IPO5: variants seen among roughly 807,000 people sequenced by gnomAD.
IPO5 encodes importin-5.
Under a neutral mutation model 143.3 loss-of-function variants are expected in IPO5, and 18 were observed. That is an observed-to-expected ratio of 0.13 (90% CI 0.09 to 0.19). The LOEUF (loss-of-function observed/expected upper bound fraction) is 0.19, where lower values mean the gene tolerates loss of function less well. Among genes scored for constraint, IPO5 ranks in the 10% least tolerant of loss-of-function variants. The pLI is 1.00. For synonymous variants in IPO5, 477 were observed against 465.7 expected (o/e 1.02, Z -0.31); for missense variants, 1,013 against 1,336.9 (o/e 0.76, Z 3.78).
chr13:97,985,621 T>C lies in IPO5; in HGVS notation c.364+8T>C. On this transcript the variant is annotated splice_region_variant and intron_variant, in intron 6 of 28. Coordinates refer to ENST00000651721, the MANE Select transcript of IPO5 (RefSeq NM_002271.6). ...TGGCCAGGAATTTAATAGGTGTGTATGCAGGTGCACTCATGTTACCAAGAA... is the reference window on the plus strand; with the variant it reads ...TGGCCAGGAATTTAATAGGTGTGTACGCAGGTGCACTCATGTTACCAAGAA... 6.9e-6 allele frequency: 11 copies of C among 1,604,160 alleles called. No homozygotes were observed. Among genetic ancestry groups the C allele is most frequent in the Non-Finnish European group, 8.5e-6 (10 of 1,172,088 alleles).
Position 98,018,552 on chromosome 13 carries a change from G to A in IPO5, c.2684G>A (p.Cys895Tyr). ...LCIFDDVIEH[C>Y]SPASFKYAEY... ...ATCTTTGATGATGTCATAGAACACT[G>A]TAGTCCAGCCTCATTTAAATACGCA... The change falls in exon 26 of 29, where the codon TGT (cysteine) becomes TAT (tyrosine). Residue 895 changes from cysteine to tyrosine, a missense_variant. Transcript: ENST00000651721. 1 of 1,614,104 alleles carries A rather than the reference G, an allele frequency of 6.2e-7. No individual in the cohort carries two copies. Among genetic ancestry groups the A allele is most frequent in the Non-Finnish European group, 8.5e-7 (1 of 1,179,974 alleles).
chr13:98,008,716 A>G (rs1889469203), intron 18 of IPO5, among the ~76,000 whole-genome samples: 1 of 152,128 alleles, frequency 6.6e-6, no homozygotes, highest in Non-Finnish European at 1.5e-5. Flanking sequence ...CACAGTTCTC[A>G]TCCTTTACAA....
intron 18 of IPO5, among the ~76,000 whole-genome samples, 167 bp from the exon 19 acceptor site, chr13:98,009,714 A>G (rs775762057): frequency 7.2e-5 from 11 of 152,190 alleles, no homozygotes; most frequent in Non-Finnish European, 1.5e-4. Context: ...GGATTTCATT[A>G]TTGATTCTGA....
intron 16 of IPO5, 128 bp from the exon 17 acceptor site, chr13:98,006,002 C>A: frequency 1.5e-6 from 1 of 658,954 alleles, no homozygotes; most frequent in Non-Finnish European, 2.7e-6. Context: ...ACAGTCTCTG[C>A]TTCTGGAGAG....
At chr13:97,986,735 G>C (rs1454594653) in intron 6 of IPO5, among the ~76,000 whole-genome samples, 1 of 152,122 alleles carries the variant, frequency 6.6e-6, no homozygotes, top group Admixed American at 6.5e-5. Context: ...TTTACTAAAG[G>C]TAAAAATCCT....
intron 28 of IPO5, chr13:98,021,408 GA>G (rs889258157): frequency 5.1e-5 from 17 of 335,516 alleles, no homozygotes; most frequent in South Asian, 3.9e-4. Context: ...CCTATCTTAA[GA>G]AAAAAAAACA....
intron 4 of IPO5, chr13:97,980,050 A>G (rs764440495): frequency 7.2e-6 from 3 of 415,498 alleles, no homozygotes; most frequent in Admixed American, 2.8e-5. Flanking sequence ...TGTAAATTGT[A>G]TAAGGTGGAA....
At chr13:98,005,369 A>T (rs888169765) in intron 16 of IPO5, among the ~76,000 whole-genome samples, 13 of 23,634 alleles carry the variant, frequency 5.5e-4, no homozygotes, top group East Asian at 3.7e-3. Flanking sequence ...GCTAATTTTT[A>T]TTTATTTATT....
chr13:98,001,335 T>C (rs989866106), intron 13 of IPO5, among the ~76,000 whole-genome samples: 41 of 152,304 alleles, frequency 2.7e-4, no homozygotes, highest in African/African-American at 9.4e-4. Context: ...AAGTATTAAG[T>C]TAGAAATTTG....
intron 3 of IPO5, among the ~76,000 whole-genome samples, chr13:97,973,714 C>G (rs572542075): frequency 1.3e-3 from 200 of 152,318 alleles, no homozygotes; most frequent in Non-Finnish European, 1.6e-3. Flanking sequence ...ACCACTAATA[C>G]AAAATTGTTT....
At chr13:98,014,720 G>C (rs1370979868) in intron 22 of IPO5, among the ~76,000 whole-genome samples, 2 of 151,948 alleles carry the variant, frequency 1.3e-5, no homozygotes, top group African/African-American at 4.8e-5. Flanking sequence ...TGCATTCTTT[G>C]GAAAAAGAGA....
intron 3 of IPO5, among the ~76,000 whole-genome samples, chr13:97,973,191 C>T (rs1021553373): frequency 2.0e-5 from 3 of 151,784 alleles, no homozygotes; most frequent in African/African-American, 2.4e-5. Context: ...TACAGGCATG[C>T]GCCACCATAC....
At position 98,023,213 on chromosome 13, in the gene IPO5, G is replaced by A. The variant is rs1025992169; in HGVS notation, c.*1391G>A. 3 of 152,416 alleles carry A rather than the reference G, an allele frequency of 2.0e-5. No individual in the cohort carries two copies. Among genetic ancestry groups the A allele is most frequent in the Non-Finnish European group, 4.4e-5 (3 of 68,036 alleles). The allele number at this position is 152,416 out of a possible 1,614,324, so 9.4% of individuals were successfully genotyped here. A position where few individuals can be genotyped will look rare whatever the true frequency, so the allele number is the denominator to read the frequency against. ...TTGCAGCACAACACCATTGCCCGGA[G>A]GCTTCCGAATCTAGCAAAGCAGCAT... On this transcript the variant is annotated 3_prime_UTR_variant, in exon 29 of 29. Transcript: ENST00000651721.
chr13:98,014,630 T>C (rs1298391756), intron 22 of IPO5, among the ~76,000 whole-genome samples: 1 of 152,220 alleles, frequency 6.6e-6, no homozygotes, highest in Non-Finnish European at 1.5e-5. Flanking sequence ...GGTATTATTA[T>C]GTTTGTTTTA....
At position 98,002,926 on chromosome 13, in the gene IPO5, A is replaced by G. The variant is rs761146386; in HGVS notation, c.1386A>G (p.Ala462=). The G allele has an allele frequency of 2.6e-5, 42 of 1,613,852 alleles. 1 individual carries two copies. In the South Asian group the frequency reaches 4.5e-4, roughly 17 times the overall value. Residue 462 remains alanine (A), a synonymous_variant, in exon 16 of 29, where the codon GCA becomes GCG. Transcript: ENST00000651721. ...DQGNQRVQAH[A]AAALINFTED... ...GCAATCAACGTGTGCAGGCCCATGC[A>G]GCTGCTGCCCTCATTAACTTTACTG...
chr13:98,021,373 C>A, intron 28 of IPO5: 1 of 385,044 alleles, frequency 2.6e-6, no homozygotes, highest in Non-Finnish European at 4.5e-6. Context: ...TGGTGCTTAA[C>A]ACAAGCTTAT....
rs1254843520 is a variant in IPO5, at chr13:98,000,532, T to C, written c.1002-7T>C. On this transcript the variant is annotated splice_polypyrimidine_tract_variant and splice_region_variant and intron_variant, in intron 12 of 28. Transcript: ENST00000651721. ...TATTGAGTACATAATTCTGTTTATGTGTTTAGCAATGCAGTTGCAGGCGAG... is the reference window on the plus strand; with the variant it reads ...TATTGAGTACATAATTCTGTTTATGCGTTTAGCAATGCAGTTGCAGGCGAG... 1.9e-6 allele frequency: 3 copies of C among 1,592,290 alleles called. No homozygotes were observed. Among genetic ancestry groups the C allele is most frequent in the South Asian group, 1.1e-5 (1 of 90,630 alleles).
At chr13:98,009,782 A>G in intron 18 of IPO5, 99 bp from the exon 19 acceptor site, 1 of 899,760 alleles carries the variant, frequency 1.1e-6, no homozygotes, top group South Asian at 1.7e-5. Context: ...CTGTGAACAT[A>G]TCAATAAAAC....
intron 18 of IPO5, among the ~76,000 whole-genome samples, chr13:98,009,313 T>G (rs1332606054): frequency 1.3e-5 from 2 of 152,200 alleles, no homozygotes; most frequent in Non-Finnish European, 2.9e-5. Flanking sequence ...TGGAACCAGA[T>G]TCTCTAGGTA....
Sources: allele counts gnomAD v4.1 joint callset (sites outside exome capture counted in the v4.1 genomes callset), GRCh38; gene constraint gnomAD v4.1.1; transcripts MANE v1.5; gene names NCBI Gene and HGNC (gene_info 2026-07-23, HGNC 2026-07-21).